Variants in CATSPERT observed in about 807,000 individuals in gnomAD.
The protein encoded by CATSPERT is catsper channel auxiliary subunit tau.
chr2:201,516,332 G>A, the CATSPERT span, among the ~76,000 whole-genome samples: 10 of 152,320 alleles, frequency 6.6e-5, no homozygotes, highest in African/African-American at 2.4e-4. Flanking sequence ...TCACAGTTCT[G>A]CATGGTTGAG....
chr2:201,604,577 CTT>C, the CATSPERT span: 1 of 1,348,640 alleles, frequency 7.4e-7, no homozygotes, highest in Non-Finnish European at 1.0e-6. Context: ...TAATAAATAA[CTT>C]ATACAGGTTT....
chr2:201,515,836 A>G, the CATSPERT span, among the ~76,000 whole-genome samples: 1 of 152,218 alleles, frequency 6.6e-6, no homozygotes, highest in Non-Finnish European at 1.5e-5. Context: ...ACTCCTCTAC[A>G]TGTGGCAGTG....
the CATSPERT span, among the ~76,000 whole-genome samples, chr2:201,600,486 AATG>A: frequency 6.6e-6 from 1 of 152,120 alleles, no homozygotes; most frequent in East Asian, 1.9e-4. Flanking sequence ...ACCTAATGTA[AATG>A]ATGACTTGAC....
At chr2:201,558,327 G>T in the CATSPERT span, 1 of 152,252 alleles carries the variant, frequency 6.6e-6, no homozygotes, top group Non-Finnish European at 1.5e-5. Flanking sequence ...TAGCTGACTA[G>T]AGATGCCTGG....
chr2:201,510,380 G>T, the CATSPERT span, among the ~76,000 whole-genome samples: 2 of 152,172 alleles, frequency 1.3e-5, no homozygotes, highest in Non-Finnish European at 2.9e-5. Flanking sequence ...GGAGGAGGAG[G>T]TTGCAGTGAG....
At chr2:201,609,486 AG>A in the CATSPERT span, among the ~76,000 whole-genome samples, 2 of 152,254 alleles carry the variant, frequency 1.3e-5, no homozygotes, top group Admixed American at 1.3e-4. Context: ...AATCATATCA[AG>A]TATCTTCTGA....
chr2:201,575,034 C>CA, the CATSPERT span, among the ~76,000 whole-genome samples: 18,386 of 97,774 alleles, frequency 0.19, 1,336 homozygotes, highest in Non-Finnish European at 0.24. Context: ...CACCATTTAG[C>CA]AAAAAAAAAA....
the CATSPERT span, chr2:201,535,869 G>A: frequency 6.6e-7 from 1 of 1,505,738 alleles, no homozygotes. Context: ...TCTTGGCTTT[G>A]AAAGCTACCT....
At chr2:201,491,392 A>G in the CATSPERT span, 14 of 1,537,198 alleles carry the variant, frequency 9.1e-6, no homozygotes, top group South Asian at 1.2e-4. Flanking sequence ...CTCATCTTCT[A>G]CAACCTTATA....
the CATSPERT span, among the ~76,000 whole-genome samples, chr2:201,528,940 T>G: frequency 1.3e-5 from 2 of 152,010 alleles, no homozygotes; most frequent in East Asian, 1.9e-4. Context: ...ACAACAAAAA[T>G]TAGTAGTTTC....
At chr2:201,562,237 G>C in the CATSPERT span, among the ~76,000 whole-genome samples, 9 of 146,680 alleles carry the variant, frequency 6.1e-5, no homozygotes, top group Non-Finnish European at 1.3e-4. Flanking sequence ...TCCCAGGCTG[G>C]AGTGCAGTGG....
chr2:201,587,375 C>G, the CATSPERT span, among the ~76,000 whole-genome samples: 1 of 152,052 alleles, frequency 6.6e-6, no homozygotes, highest in African/African-American at 2.4e-5. Context: ...ATATTTATTA[C>G]AATGCAGGTC....
the CATSPERT span, among the ~76,000 whole-genome samples, chr2:201,608,257 C>T: frequency 6.6e-6 from 1 of 152,096 alleles, no homozygotes; most frequent in Non-Finnish European, 1.5e-5. Flanking sequence ...AAGTGATCCT[C>T]TCACCTTGGC....
chr2:201,488,978 T>C, the CATSPERT span, among the ~76,000 whole-genome samples: 1 of 152,198 alleles, frequency 6.6e-6, no homozygotes, highest in South Asian at 2.1e-4. Context: ...CTGATATAAC[T>C]TGATTACTGG....
chr2:201,501,603 C>A, the CATSPERT span, among the ~76,000 whole-genome samples: 1 of 151,570 alleles, frequency 6.6e-6, no homozygotes, highest in Admixed American at 6.6e-5. Flanking sequence ...TCAGTGAAAC[C>A]AAAAGATGGT....
At chr2:201,518,350 A>G in the CATSPERT span, among the ~76,000 whole-genome samples, 4 of 152,226 alleles carry the variant, frequency 2.6e-5, no homozygotes, top group African/African-American at 9.6e-5. Flanking sequence ...AGGGCTTATG[A>G]GCCACTGCTG....
At chr2:201,514,439 T>C in the CATSPERT span, among the ~76,000 whole-genome samples, 1 of 152,178 alleles carries the variant, frequency 6.6e-6, no homozygotes, top group Non-Finnish European at 1.5e-5. Context: ...AAACATATGA[T>C]CATATCAGTA....
chr2:201,545,976 C>CT, the CATSPERT span, among the ~76,000 whole-genome samples: 1 of 152,002 alleles, frequency 6.6e-6, no homozygotes, highest in Non-Finnish European at 1.5e-5. Flanking sequence ...AAACAGATTA[C>CT]TTTTTTTATT....
At chr2:201,491,467 T>C in the CATSPERT span, 4 of 1,537,020 alleles carry the variant, frequency 2.6e-6, no homozygotes, top group Non-Finnish European at 8.7e-7. Context: ...TGGTTTTATA[T>C]AAAGAGTTTG....
Sources: allele counts gnomAD v4.1 joint callset (sites outside exome capture counted in the v4.1 genomes callset), GRCh38; gene constraint gnomAD v4.1.1; transcripts MANE v1.5; gene names NCBI Gene and HGNC (gene_info 2026-07-23, HGNC 2026-07-21).